The following ZRANB3 variants were observed in gnomAD, a reference collection of about 807,000 sequenced individuals.
ZRANB3 encodes zinc finger RANBP2-type containing 3.
A neutral mutation model predicts 133.8 loss-of-function variants in ZRANB3; 125 were observed. The ratio of observed to expected loss-of-function variants is 0.93; its 90% confidence interval spans 0.81 to 1.08. ZRANB3 has a LOEUF of 1.08. Ranked by LOEUF, ZRANB3 falls within the 50% of genes least tolerant of loss-of-function variation. ZRANB3 has a pLI of 0.00. For synonymous variants in ZRANB3, 387 were observed against 432.7 expected, an observed-to-expected ratio of 0.89 and a Z score of 1.31; for missense variants, 1,229 against 1,275.5, an observed-to-expected ratio of 0.96 and a Z score of 0.56.
At chr2:135,445,384 C>T (rs1689972940) in intron 2 of ZRANB3, among the ~76,000 whole-genome samples, 1 of 151,858 alleles carries the variant, frequency 6.6e-6, no homozygotes, top group African/African-American at 2.4e-5. Flanking sequence ...GTGGAGGTTG[C>T]AGTGAGCCAA....
At chr2:135,230,476 C>CAA in intron 13 of ZRANB3, 37 bp downstream of exon 13, 1 of 1,449,912 alleles carries the variant, frequency 6.9e-7, no homozygotes, top group Non-Finnish European at 9.1e-7. Context: ...ACACCACTAA[C>CAA]AGCCCTTACC....
At chr2:135,313,284 C>T (rs1244554373) in intron 8 of ZRANB3, among the ~76,000 whole-genome samples, 15 of 143,534 alleles carry the variant, frequency 1.0e-4, no homozygotes, top group African/African-American at 3.4e-4. Flanking sequence ...ACCTGGGAGG[C>T]GGAGGCTGCA....
intron 7 of ZRANB3, 63 bp from the exon 8 acceptor site, chr2:135,313,668 A>G: frequency 2.0e-6 from 2 of 979,706 alleles, no homozygotes; most frequent in Non-Finnish European, 3.0e-6. Flanking sequence ...AATTAATGCA[A>G]TCATGAATCA....
intron 2 of ZRANB3, among the ~76,000 whole-genome samples, chr2:135,404,671 G>A (rs1016965117): frequency 1.3e-5 from 2 of 152,186 alleles, no homozygotes; most frequent in African/African-American, 4.8e-5. Flanking sequence ...AAGTTGAAAT[G>A]AAGGAAAAAA....
rs140713534 is a variant in ZRANB3, at chr2:135,301,455, G to A, written c.966+12034C>T. 6.4e-3 allele frequency among the ~76,000 whole-genome samples: 969 copies of A among 152,084 alleles called. 1 individual carries two copies. Among genetic ancestry groups the A allele is most frequent in the Middle Eastern group, 0.014 (4 of 292 alleles). Reference sequence around the variant, plus strand: ...CCCGCTTAGGCCTCCCAAAGTGCTGGGATTACAGGCATGAGCCACCACACC... The same window carrying A: ...CCCGCTTAGGCCTCCCAAAGTGCTGAGATTACAGGCATGAGCCACCACACC... On this transcript the variant is annotated intron_variant, in intron 8 of 20. Coordinates refer to ENST00000264159, the MANE Select transcript of ZRANB3 (RefSeq NM_032143.4).
chr2:135,200,621 GAGGTCCT>G (rs1159718778), intron 20 of ZRANB3, among the ~76,000 whole-genome samples, 181 bp from the exon 21 acceptor site: 1 of 152,092 alleles, frequency 6.6e-6, no homozygotes. Flanking sequence ...CTGAGATCCT[GAGGTCCT>G]AGGTTCATAG....
chr2:135,426,531 T>C (rs1558991952), intron 2 of ZRANB3, among the ~76,000 whole-genome samples: 1 of 151,910 alleles, frequency 6.6e-6, no homozygotes. Flanking sequence ...GCAAGATTGG[T>C]TCAATATATG....
At chr2:135,288,973 T>G (rs1681543385) in intron 8 of ZRANB3, among the ~76,000 whole-genome samples, 1 of 151,752 alleles carries the variant, frequency 6.6e-6, no homozygotes, top group African/African-American at 2.4e-5. Flanking sequence ...TGGGTTTGGG[T>G]CTGGTTTGTT....
In ZRANB3 at chr2:135,198,053, T is replaced by C. The variant is rs1240099824; in HGVS notation, c.*2289A>G. ...GCCAGGCCTATCCTTTTACACTCAT[T>C]GTACCCACCTGTGTTTTCACTCCAT... On this transcript the variant is annotated 3_prime_UTR_variant, in exon 21 of 21. Transcript: ENST00000264159. 1 of 152,264 alleles carries C rather than the reference T, an allele frequency of 6.6e-6. No homozygotes were observed. Among genetic ancestry groups the C allele is most frequent in the East Asian group, 1.9e-4 (1 of 5,198 alleles). 9.4% of individuals were successfully genotyped at this position (152,264 alleles called of 1,614,324 possible). A position where few individuals can be genotyped will look rare whatever the true frequency, so the allele number is the denominator to read the frequency against.
intron 8 of ZRANB3, among the ~76,000 whole-genome samples, chr2:135,288,200 T>A (rs1264449292): frequency 6.6e-6 from 1 of 152,206 alleles, no homozygotes; most frequent in Non-Finnish European, 1.5e-5. Flanking sequence ...TCATGTAATT[T>A]TTGTTTTTAA....
At chr2:135,246,643 C>T (rs1695814645) in intron 12 of ZRANB3, among the ~76,000 whole-genome samples, 2 of 152,096 alleles carry the variant, frequency 1.3e-5, no homozygotes, top group South Asian at 2.1e-4. Flanking sequence ...TAACAACACG[C>T]CCATGTCATA....
At chr2:135,224,707 T>C (rs563690943) in intron 14 of ZRANB3, among the ~76,000 whole-genome samples, 190 bp from the exon 15 acceptor site, 2 of 152,314 alleles carry the variant, frequency 1.3e-5, no homozygotes, top group South Asian at 4.1e-4. Context: ...TTGGCTTATA[T>C]GGTAACCAAT....
At chr2:135,361,010 G>A (rs1215147702) in intron 3 of ZRANB3, among the ~76,000 whole-genome samples, 2 of 152,106 alleles carry the variant, frequency 1.3e-5, no homozygotes, top group Non-Finnish European at 2.9e-5. Flanking sequence ...TGAACTCCTG[G>A]CTCAACCAAT....
At chr2:135,385,406 C>G (rs186406964) in intron 3 of ZRANB3, among the ~76,000 whole-genome samples, 3 of 152,054 alleles carry the variant, frequency 2.0e-5, no homozygotes, top group African/African-American at 4.8e-5. Context: ...TGTGAAAATG[C>G]CCATACTGCC....
At chr2:135,340,263 G>A (rs1429985925) in intron 6 of ZRANB3, among the ~76,000 whole-genome samples, 1 of 151,508 alleles carries the variant, frequency 6.6e-6, no homozygotes, top group East Asian at 1.9e-4. Flanking sequence ...CCGCCACCAC[G>A]CCCAGCTAAT....
At chr2:135,499,075 T>G (rs751166117) in intron 2 of ZRANB3, among the ~76,000 whole-genome samples, 1 of 152,088 alleles carries the variant, frequency 6.6e-6, no homozygotes, top group Non-Finnish European at 1.5e-5. Context: ...CTTTTGAAAA[T>G]CATTAATAAA....
In ZRANB3 at chr2:135,480,903, T is replaced by C. The variant is rs577144359; in HGVS notation, c.161+23426A>G. On this transcript the variant is annotated intron_variant, in intron 2 of 20. Transcript: ENST00000264159. ...TCTTGTGATAGTTTACTGAGAATGA[T>C]GATTTCCAATTTCATCCATGTCCCT... Among the ~76,000 whole-genome samples the C allele has an allele frequency of 1.1e-4, 16 of 142,756 alleles. No individual in the cohort carries two copies. The East Asian group carries it at 3.3e-3, about 29-fold the overall frequency. The allele number at this position is 142,756 out of a possible 152,430, so 93.7% of individuals were successfully genotyped here.
intron 2 of ZRANB3, among the ~76,000 whole-genome samples, chr2:135,481,464 T>G (rs1416261262): frequency 2.0e-5 from 3 of 152,194 alleles, no homozygotes; most frequent in African/African-American, 7.2e-5. Context: ...ATGGGGCTGT[T>G]TGTTTTTTTC....
chr2:135,294,720 T>C (rs1047217370), intron 8 of ZRANB3, among the ~76,000 whole-genome samples: 7 of 152,204 alleles, frequency 4.6e-5, no homozygotes, highest in African/African-American at 1.4e-4. Context: ...TCCTGCTTTC[T>C]CTTGTGGGCA....
Sources: allele counts gnomAD v4.1 joint callset (sites outside exome capture counted in the v4.1 genomes callset), GRCh38; gene constraint gnomAD v4.1.1; transcripts MANE v1.5; gene names NCBI Gene and HGNC (gene_info 2026-07-23, HGNC 2026-07-21).